The following XKR9 variants were observed in gnomAD, a reference collection of about 807,000 sequenced individuals.
The protein encoded by XKR9 is XK-related protein 9.
Under a neutral mutation model 32.0 loss-of-function variants are expected in XKR9, and 32 were observed. The ratio of observed to expected loss-of-function variants is 1.00; its 90% CI spans 0.76 to 1.34. XKR9 has a LOEUF of 1.34. Ranked by LOEUF, XKR9 falls within the 40% of genes most tolerant of loss-of-function variation. XKR9 has a pLI of 0.00. For missense variants in XKR9, 546 were observed against 429.7 expected (o/e 1.27, Z -2.39); for synonymous variants, 168 against 143.4 (o/e 1.17, Z -1.22).
intron 2 of XKR9, among the ~76,000 whole-genome samples, chr8:70,741,097 C>T (rs1219783786): frequency 6.6e-6 from 1 of 152,268 alleles, no homozygotes; most frequent in African/African-American, 2.4e-5. Context: ...GCAGGCAGGC[C>T]TCCTTGAGCT....
chr8:70,873,546 C>T, the XKR9 span, among the ~76,000 whole-genome samples: 1 of 152,138 alleles, frequency 6.6e-6, no homozygotes, highest in South Asian at 2.1e-4. Context: ...GAAAGAATAA[C>T]TGTAGGTGTG....
chr8:71,006,305 T>G, the XKR9 span, among the ~76,000 whole-genome samples: 28 of 150,524 alleles, frequency 1.9e-4, no homozygotes, highest in Middle Eastern at 6.8e-3. Flanking sequence ...TTCATAAACT[T>G]TCTTAAAACA....
chr8:70,986,093 T>C, the XKR9 span, among the ~76,000 whole-genome samples: 3 of 152,262 alleles, frequency 2.0e-5, no homozygotes, highest in East Asian at 5.8e-4. Flanking sequence ...TTTGGCAAAG[T>C]TCATCGAAAA....
chr8:70,837,265 G>A, the XKR9 span, among the ~76,000 whole-genome samples: 2 of 152,084 alleles, frequency 1.3e-5, no homozygotes, highest in African/African-American at 4.8e-5. Flanking sequence ...CCTTAGAGAA[G>A]GTGAGGCTTA....
At chr8:70,676,522 G>T (rs1488675522) in intron 2 of XKR9, among the ~76,000 whole-genome samples, 1 of 152,150 alleles carries the variant, frequency 6.6e-6, no homozygotes, top group Non-Finnish European at 1.5e-5. Flanking sequence ...AAGACCTGCA[G>T]CTCTCTTTAT....
chr8:71,041,214 G>T, the XKR9 span, among the ~76,000 whole-genome samples: 2 of 152,086 alleles, frequency 1.3e-5, no homozygotes, highest in African/African-American at 4.8e-5. Flanking sequence ...CAAAAAGAAA[G>T]ACCGAGTTCC....
the XKR9 span, among the ~76,000 whole-genome samples, chr8:70,935,128 CACACATATATATACACATATAT>C: frequency 6.9e-5 from 10 of 144,862 alleles, no homozygotes; most frequent in Non-Finnish European, 3.1e-5. Flanking sequence ...TATACACACA[CACACATATATATACACATATAT>C]ACATATATAT....
chr8:70,749,361 C>T lies in XKR9; in HGVS notation n.353-39978C>T, dbSNP rs916595763. On this transcript the variant is annotated intron_variant and non_coding_transcript_variant, in intron 2 of 3. Coordinates refer to the XKR9 transcript ENST00000520273. Reference sequence around the variant, plus strand: ...CCTTCTGGGAGTCTAGACCTCAGGGCTCCCCAAGCCAGGGCTGTGAACATA... The same window carrying T: ...CCTTCTGGGAGTCTAGACCTCAGGGTTCCCCAAGCCAGGGCTGTGAACATA... Among the ~76,000 whole-genome samples, 5 of 152,232 alleles carry T rather than the reference C, an allele frequency of 3.3e-5. 1 individual carries two copies. The highest frequency in any genetic ancestry group is 1.2e-4 in the African/African-American group (5 of 41,464).
the XKR9 span, among the ~76,000 whole-genome samples, chr8:71,030,942 A>G: frequency 6.6e-6 from 1 of 152,282 alleles, no homozygotes; most frequent in Non-Finnish European, 1.5e-5. Context: ...GGGTACATTT[A>G]CTTTCTCTAT....
chr8:70,892,516 G>T, the XKR9 span, among the ~76,000 whole-genome samples: 3 of 151,976 alleles, frequency 2.0e-5, no homozygotes, highest in Non-Finnish European at 4.4e-5. Flanking sequence ...ATTTCTTATA[G>T]GGCTGGTCTA....
chr8:70,776,230 A>T, intron 2 of XKR9, among the ~76,000 whole-genome samples: 1 of 152,184 alleles, frequency 6.6e-6, no homozygotes, highest in East Asian at 1.9e-4. Context: ...ATTCTAATAC[A>T]GTTTCTTTAA....
chr8:70,831,634 A>AT, the XKR9 span, among the ~76,000 whole-genome samples: 3 of 151,916 alleles, frequency 2.0e-5, no homozygotes, highest in African/African-American at 4.8e-5. Flanking sequence ...CAATTCTATC[A>AT]TTTTTTTCTT....
intron 2 of XKR9, among the ~76,000 whole-genome samples, chr8:70,753,444 C>T (rs1345502767): frequency 6.6e-6 from 1 of 152,090 alleles, no homozygotes; most frequent in Non-Finnish European, 1.5e-5. Context: ...ATACCAAAGC[C>T]TGGCAGAGAC....
chr8:70,915,853 T>C, the XKR9 span, among the ~76,000 whole-genome samples: 1 of 152,216 alleles, frequency 6.6e-6, no homozygotes, highest in Non-Finnish European at 1.5e-5. Flanking sequence ...GAGAAAAATC[T>C]GCATTGGTGC....
At chr8:70,726,623 C>A (rs554246027) in intron 4 of XKR9, among the ~76,000 whole-genome samples, 27 of 152,160 alleles carry the variant, frequency 1.8e-4, no homozygotes, top group Non-Finnish European at 3.8e-4. Flanking sequence ...ATTCTGAGGA[C>A]AAATTACAAT....
chr8:70,687,025 C>T (rs1819304737), intron 3 of XKR9, among the ~76,000 whole-genome samples: 2 of 151,992 alleles, frequency 1.3e-5, no homozygotes, highest in African/African-American at 4.8e-5. Context: ...CTTTAATCAC[C>T]CTGTTATGTT....
intron 3 of XKR9, among the ~76,000 whole-genome samples, chr8:70,701,514 A>G (rs1805534374): frequency 6.6e-6 from 1 of 152,170 alleles, no homozygotes; most frequent in South Asian, 2.1e-4. Flanking sequence ...GCCACTTCAC[A>G]TCCCCACCCT....
the XKR9 span, among the ~76,000 whole-genome samples, chr8:70,847,347 C>A: frequency 1.3e-5 from 2 of 151,782 alleles, no homozygotes. Context: ...AAAAGCAGTT[C>A]TATAAGGAAG....
At chr8:70,814,762 G>T in the XKR9 span, among the ~76,000 whole-genome samples, 2 of 152,232 alleles carry the variant, frequency 1.3e-5, no homozygotes, top group East Asian at 3.9e-4. Flanking sequence ...TCTGGCAAAA[G>T]AAAGAAATAA....
Sources: allele counts gnomAD v4.1 joint callset (sites outside exome capture counted in the v4.1 genomes callset), GRCh38; gene constraint gnomAD v4.1.1; transcripts MANE v1.5; gene names NCBI Gene and HGNC (gene_info 2026-07-23, HGNC 2026-07-21).